PTPRM: variants seen among roughly 807,000 people sequenced by gnomAD.
PTPRM encodes the protein receptor-type tyrosine-protein phosphatase mu.
Under a neutral mutation model 186.7 loss-of-function variants are expected in PTPRM, and 47 were observed. That is an observed-to-expected ratio of 0.25 (90% CI 0.20 to 0.32). The LOEUF is 0.32. Ranked by LOEUF, PTPRM falls within the 10% of genes least tolerant of loss-of-function variation. PTPRM has a pLI of 1.00. For missense variants in PTPRM, 1,494 were observed against 1,865.0 expected (o/e 0.80, Z 3.66); for synonymous variants, 668 against 674.9 (o/e 0.99, Z 0.16).
At chr18:8,185,240 C>T (rs1002754444) in intron 14 of PTPRM, among the ~76,000 whole-genome samples, 5 of 152,218 alleles carry the variant, frequency 3.3e-5, no homozygotes, top group Non-Finnish European at 7.3e-5. Flanking sequence ...ATCCAGACAT[C>T]CATCTCTCCT....
intron 11 of PTPRM, among the ~76,000 whole-genome samples, chr18:8,099,159 T>TCTCTCTC (rs879773463): frequency 6.7e-6 from 1 of 149,566 alleles, no homozygotes; most frequent in East Asian, 2.0e-4. Flanking sequence ...CTCTCTCTCT[T>TCTCTCTC]TCTCTCTCTC....
chr18:7,949,195 A>C lies in PTPRM; in HGVS notation c.678A>C (p.Arg226=). The C allele has an allele frequency of 1.2e-6, 2 of 1,607,624 alleles. No individual in the cohort carries two copies. The change falls in exon 6 of 33, where the codon CGA becomes CGC. Residue 226 remains arginine, a synonymous_variant. Coordinates refer to ENST00000580170, the MANE Select transcript of PTPRM (RefSeq NM_001105244.2). ...DRLWLQGIDV[R]DAPLKEIKVT... ...ACTTGATACAGGGCATTGATGTGCG[A>C]GATGCTCCTCTGAAGGAAATCAAGG...
chr18:7,603,322 T>C (rs890687688), intron 1 of PTPRM, among the ~76,000 whole-genome samples: 3 of 152,240 alleles, frequency 2.0e-5, no homozygotes, highest in African/African-American at 7.2e-5. Flanking sequence ...TTTGTTGAGA[T>C]TCATTGCAAA....
chr18:8,216,818 C>T (rs904145283), intron 14 of PTPRM, among the ~76,000 whole-genome samples: 2 of 152,196 alleles, frequency 1.3e-5, no homozygotes, highest in Non-Finnish European at 2.9e-5. Context: ...AACCAATATG[C>T]TGTTAATATT....
intron 2 of PTPRM, among the ~76,000 whole-genome samples, chr18:7,830,207 T>A (rs1410765815): frequency 6.6e-6 from 1 of 152,150 alleles, no homozygotes; most frequent in Non-Finnish European, 1.5e-5. Context: ...ACTGGGCATG[T>A]GTTTCAAGTG....
chr18:7,675,234 G>A (rs1446076), intron 1 of PTPRM, among the ~76,000 whole-genome samples: 3,320 of 152,196 alleles, frequency 0.022, 125 homozygotes, highest in African/African-American at 0.076. Flanking sequence ...TTTTGTTTTC[G>A]TTAGGGCCTT....
chr18:8,268,704 C>G (rs1340841256), intron 19 of PTPRM, among the ~76,000 whole-genome samples: 1 of 152,000 alleles, frequency 6.6e-6, no homozygotes, highest in Non-Finnish European at 1.5e-5. Flanking sequence ...AATTCAACAG[C>G]ACATTAAAAG....
chr18:8,095,444 G>A (rs1014404789), intron 11 of PTPRM, among the ~76,000 whole-genome samples: 17 of 152,068 alleles, frequency 1.1e-4, no homozygotes, highest in African/African-American at 4.1e-4. Context: ...AATGAGAAGT[G>A]TGTTATAATC....
chr18:8,352,653 G>GTTTTTTTTTTTTTTTTTTTTTTTTTTTT (rs1355276752), intron 23 of PTPRM, among the ~76,000 whole-genome samples: 3 of 121,344 alleles, frequency 2.5e-5, no homozygotes, highest in Non-Finnish European at 3.6e-5. Context: ...TTTTGGTTTG[G>GTTTTTTTTTTTTTTTTTTTTTTTTTTTT]TTTTTTTTGT....
chr18:8,254,612 G>T (rs2094557854), intron 19 of PTPRM, among the ~76,000 whole-genome samples: 1 of 152,162 alleles, frequency 6.6e-6, no homozygotes, highest in African/African-American at 2.4e-5. Flanking sequence ...GAGTGTTTTT[G>T]AAATCTGTTT....
intron 2 of PTPRM, chr18:7,815,676 A>G (rs558943097): frequency 2.2e-4 from 34 of 152,270 alleles, no homozygotes; most frequent in African/African-American, 7.9e-4. Context: ...CCGGGCAATA[A>G]TAATATTAAT....
intron 20 of PTPRM, among the ~76,000 whole-genome samples, chr18:8,302,950 A>G (rs560227837): frequency 6.6e-6 from 1 of 152,300 alleles, no homozygotes; most frequent in Admixed American, 6.5e-5. Flanking sequence ...TGCGATGCCA[A>G]GCAGACAGTT....
At chr18:7,751,450 T>TGGAA (rs1228736492) in intron 1 of PTPRM, 2 of 152,250 alleles carry the variant, frequency 1.3e-5, no homozygotes, top group African/African-American at 4.8e-5. Flanking sequence ...TCTGCCTTTA[T>TGGAA]TGACCATGCC....
At chr18:7,798,057 G>A (rs1442080625) in intron 2 of PTPRM, among the ~76,000 whole-genome samples, 1 of 152,168 alleles carries the variant, frequency 6.6e-6, no homozygotes, top group Non-Finnish European at 1.5e-5. Flanking sequence ...GCTGGTGATA[G>A]GTACCCTAGG....
At chr18:7,644,469 A>G (rs549214637) in intron 1 of PTPRM, among the ~76,000 whole-genome samples, 185 of 152,290 alleles carry the variant, frequency 1.2e-3, no homozygotes, top group African/African-American at 4.2e-3. Flanking sequence ...ATGTCAATTC[A>G]TCTATGTAGA....
At chr18:7,759,028 G>T (rs543498294) in intron 1 of PTPRM, among the ~76,000 whole-genome samples, 6 of 152,340 alleles carry the variant, frequency 3.9e-5, no homozygotes, top group African/African-American at 1.4e-4. Context: ...CTATCAGCTG[G>T]TAACTGTAGC....
At chr18:7,902,923 A>G (rs889068349) in intron 3 of PTPRM, among the ~76,000 whole-genome samples, 3 of 151,384 alleles carry the variant, frequency 2.0e-5, no homozygotes, top group Non-Finnish European at 4.4e-5. Flanking sequence ...TTAAATTTAC[A>G]CATACAGATC....
intron 7 of PTPRM, among the ~76,000 whole-genome samples, chr18:7,997,120 C>T (rs2083585460): frequency 6.6e-6 from 1 of 151,984 alleles, no homozygotes; most frequent in Non-Finnish European, 1.5e-5. Context: ...TAGAGGCATC[C>T]CACTACCTGA....
chr18:7,621,217 C>T (rs771896754), intron 1 of PTPRM, among the ~76,000 whole-genome samples: 1 of 152,056 alleles, frequency 6.6e-6, no homozygotes, highest in Admixed American at 6.6e-5. Flanking sequence ...GGTCACATAG[C>T]TAATAATTGG....
Sources: allele counts gnomAD v4.1 joint callset (sites outside exome capture counted in the v4.1 genomes callset), GRCh38; gene constraint gnomAD v4.1.1; transcripts MANE v1.5; gene names NCBI Gene and HGNC (gene_info 2026-07-23, HGNC 2026-07-21).